Variants in FAM131A observed in about 807,000 individuals in gnomAD.
The protein encoded by FAM131A is family with sequence similarity 131 member A, also known as protein FAM131A.
In FAM131A, 24 loss-of-function variants were observed where a neutral mutation model predicts 39.2. The ratio of observed to expected loss-of-function variants is 0.61; its 90% CI spans 0.44 to 0.86. FAM131A has a LOEUF of 0.86. FAM131A is among the 40% of genes least tolerant of loss of function. The pLI, the probability that FAM131A is intolerant of heterozygous loss-of-function variation, is 0.00. For missense variants in FAM131A, 373 were observed against 481.2 expected (o/e 0.78, Z 2.10); for synonymous variants, 202 against 206.8 (o/e 0.98, Z 0.20).
Position 184,346,105 on chromosome 3 carries a change from T to G in FAM131A, c.*1135T>G. 1 of 185,382 alleles carries G rather than the reference T, an allele frequency of 5.4e-6. No individual in the cohort carries two copies. Among genetic ancestry groups the G allele is most frequent in the Non-Finnish European group, 1.1e-5 (1 of 87,510 alleles). 11.5% of individuals were successfully genotyped at this position (185,382 alleles called of 1,614,324 possible). On this transcript the variant is annotated 3_prime_UTR_variant, in exon 6 of 6. Transcript: ENST00000383847. This position sits in a 1 kb window ranked among gnomAD's most constrained non-coding sequence, Gnocchi z 6.0. ...TTTTTATGGTTGTGGGAAGGGTGGGTGGCTTTAGAATTAAGGGCCTTGTAG... is the reference window on the plus strand; with the variant it reads ...TTTTTATGGTTGTGGGAAGGGTGGGGGGCTTTAGAATTAAGGGCCTTGTAG...
At chr3:184,343,234 G>C (rs906980424) in intron 5 of FAM131A, 1 of 167,868 alleles carries the variant, frequency 6.0e-6, no homozygotes, top group Non-Finnish European at 1.3e-5. Context: ...GCAGCCTTCT[G>C]GCTGGCTGTG....
intron 2 of FAM131A, 161 bp from the exon 3 acceptor site, chr3:184,341,563 C>T (rs1727378866): frequency 3.1e-6 from 2 of 638,844 alleles, no homozygotes; most frequent in African/African-American, 1.8e-5. Flanking sequence ...TTCACCTGTC[C>T]TAGCTTCTTA....
Position 184,342,670 on chromosome 3 carries a change from C to T in FAM131A, c.509-74C>T. The T allele has an allele frequency of 7.4e-7, 1 of 1,352,318 alleles. No individual in the cohort carries two copies. Among genetic ancestry groups the T allele is most frequent in the Non-Finnish European group, 1.0e-6 (1 of 960,234 alleles). 83.8% of individuals were successfully genotyped at this position (1,352,318 alleles called of 1,614,324 possible). A position where few individuals can be genotyped will look rare whatever the true frequency, so the allele number is the denominator to read the frequency against. ...TGGAGTCTTCCCATACCCTGTTTCT[C>T]CTCTCTCCTGTCTTCAAGCTGAGCC... On this transcript the variant is annotated intron_variant, in intron 4 of 5. Coordinates refer to ENST00000383847, the MANE Select transcript of FAM131A (RefSeq NM_144635.5). This position sits in a 1 kb window ranked among gnomAD's most constrained non-coding sequence, Gnocchi z 4.6.
chr3:184,343,391 C>G (rs1727471512), intron 5 of FAM131A, among the ~76,000 whole-genome samples: 1 of 152,246 alleles, frequency 6.6e-6, no homozygotes, highest in Non-Finnish European at 1.5e-5. Context: ...GGGCCTTTCT[C>G]TGGGCCAGTG....
In FAM131A at chr3:184,345,611, C is replaced by T. The variant is rs1160652408; in HGVS notation, c.*641C>T. On this transcript the variant is annotated 3_prime_UTR_variant, in exon 6 of 6. Coordinates refer to ENST00000383847, the MANE Select transcript of FAM131A (RefSeq NM_144635.5). The stretch of plus-strand genomic sequence containing the variant: ...TGTTTTTTCAGTCGGATCTTCTCTT[C>T]TCTGGGAGGCTTTGGAATGATGAAA... 3 of 702,344 alleles carry T rather than the reference C, an allele frequency of 4.3e-6. No individual in the cohort carries two copies. In the East Asian group the frequency reaches 8.0e-5, roughly 19 times the overall value. 43.5% of individuals were successfully genotyped at this position (702,344 alleles called of 1,614,324 possible).
chr3:184,344,836 G>GC lies in FAM131A; in HGVS notation c.972dup (p.Cys325LeufsTer23), dbSNP rs757704272. 68 of 1,611,350 alleles carry GC rather than the reference G, an allele frequency of 4.2e-5. 1 individual carries two copies. In the Admixed American group the frequency reaches 1.1e-3, roughly 25 times the overall value. ...CCTTTCCCCCGCGGAGGAGGAGCCA[G>GC]CCCCCTGCAAGGACTGCCAGCCACT... On this transcript the variant is annotated frameshift_variant, in exon 6 of 6. Coordinates refer to ENST00000383847, the MANE Select transcript of FAM131A (RefSeq NM_144635.5). LOFTEE classifies it high-confidence loss of function.
chr3:184,341,237 GAA>G (rs1181430175), intron 2 of FAM131A: 1 of 196,616 alleles, frequency 5.1e-6, no homozygotes, highest in African/African-American at 2.4e-5. Flanking sequence ...TGATGCAAAG[GAA>G]AGAGGTCAGG....
At position 184,345,093 on chromosome 3, in the gene FAM131A, C is replaced by T; in HGVS notation, c.*123C>T. 1 of 923,980 alleles carries T rather than the reference C, an allele frequency of 1.1e-6. No homozygotes were observed. Among genetic ancestry groups the T allele is most frequent in the Non-Finnish European group, 1.6e-6 (1 of 635,952 alleles). 57.2% of individuals were successfully genotyped at this position (923,980 alleles called of 1,614,324 possible). ...ACAGCCTAGAGGGCTCCTGGGAGCG[C>T]TCGCTTCTCCGTTGTGTGTTTTGCA... On this transcript the variant is annotated 3_prime_UTR_variant, in exon 6 of 6. Transcript: ENST00000383847.
In FAM131A at chr3:184,345,910, G is replaced by A. The variant is rs571039551; in HGVS notation, c.*940G>A. The stretch of plus-strand genomic sequence containing the variant: ...TGAGAGGCAGGAATTGTGCCAGTGA[G>A]TGACAGTCATGAGGGAGTGTCTCTT... On this transcript the variant is annotated 3_prime_UTR_variant, in exon 6 of 6. Transcript: ENST00000383847. 520 of 385,218 alleles carry A rather than the reference G, an allele frequency of 1.3e-3. 4 individuals carry two copies. Among genetic ancestry groups the A allele is most frequent in the Non-Finnish European group, 4.6e-4 (100 of 215,830 alleles). 23.9% of individuals were successfully genotyped at this position (385,218 alleles called of 1,614,324 possible).
chr3:184,344,381 G>C, intron 5 of FAM131A, 114 bp from the exon 6 acceptor site: 1 of 996,602 alleles, frequency 1.0e-6, no homozygotes, highest in Non-Finnish European at 1.5e-6. Context: ...AGGTTACCCA[G>C]CACCTATCCA....
At chr3:184,341,115 A>AT in intron 2 of FAM131A, 1 of 156,704 alleles carries the variant, frequency 6.4e-6, no homozygotes, top group South Asian at 1.9e-4. Flanking sequence ...AGGAGCAGGG[A>AT]CTTTGCAGGT....
chr3:184,338,768 G>A (rs900203194), intron 2 of FAM131A: 1 of 498,450 alleles, frequency 2.0e-6, no homozygotes, highest in African/African-American at 2.1e-5. Flanking sequence ...CGTATCCCGG[G>A]AGACCCTGTT....
chr3:184,342,013 G>A lies in FAM131A; in HGVS notation c.326-53G>A. 1 of 1,608,740 alleles carries A rather than the reference G, an allele frequency of 6.2e-7. No individual in the cohort carries two copies. The highest frequency in any genetic ancestry group is 8.5e-7 in the Non-Finnish European group (1 of 1,175,128). ...GCCACCCTTCCACCTCCCTGCACCT[G>A]TGCTCCCTGGCCTGGTCCTTTACCA... On this transcript the variant is annotated intron_variant, in intron 3 of 5. Transcript: ENST00000383847. The surrounding 1 kb of genome is among the most constrained non-coding windows in gnomAD (Gnocchi z 4.6).
upstream of FAM131A, among the ~76,000 whole-genome samples, chr3:184,336,517 A>G (rs1727108975): frequency 6.6e-6 from 1 of 152,126 alleles, no homozygotes; most frequent in African/African-American, 2.4e-5. The surrounding 1 kb of genome is among the most constrained non-coding windows in gnomAD (Gnocchi z 5.5). Context: ...CTGCCTTCAC[A>G]GTCCTGGGAG....
chr3:184,338,036 G>C (rs55768817), intron 1 of FAM131A, among the ~76,000 whole-genome samples: 17 of 152,264 alleles, frequency 1.1e-4, no homozygotes, highest in African/African-American at 4.1e-4. Context: ...GCGGTGGTGG[G>C]GGGGACAGTG....
Position 184,338,443 on chromosome 3 carries a change from C to A in FAM131A, c.145C>A (p.Leu49Ile). 1 of 1,521,098 alleles carries A rather than the reference C, an allele frequency of 6.6e-7. No homozygotes were observed. Among genetic ancestry groups the A allele is most frequent in the Admixed American group, 2.1e-5 (1 of 47,706 alleles). The allele number at this position is 1,521,098 out of a possible 1,614,324, so 94.2% of individuals were successfully genotyped here. The change falls in exon 2 of 6, where the codon CTA (leucine) becomes ATA (isoleucine). Residue 49 changes from leucine to isoleucine, a missense_variant. Coordinates refer to ENST00000383847, the MANE Select transcript of FAM131A (RefSeq NM_144635.5). ...EWIELPRGLSLSSLGSARTLR... is the reference protein window; with the variant it reads ...EWIELPRGLSISSLGSARTLR... ...GATCGAACTTCCTCGGGGTCTCTCT[C>A]TATCCTCTTTGGGATCTGCTCGAAC... is the stretch of plus-strand genomic sequence containing the variant.
intron 1 of FAM131A, 52 bp downstream of exon 1, chr3:184,337,770 G>A (rs1727185405): frequency 3.3e-6 from 5 of 1,504,186 alleles, no homozygotes; most frequent in East Asian, 2.5e-5. Flanking sequence ...AAGCTGAGCA[G>A]TAGGGTGCTT....
chr3:184,341,727 A>G lies in FAM131A; in HGVS notation c.235A>G (p.Asn79Asp). ...CTTTCTAATGGTGTTACCCAAGGTGAATGTTGGAGACACAGTCGCGATGCT... is the reference window on the plus strand; with the variant it reads ...CTTTCTAATGGTGTTACCCAAGGTGGATGTTGGAGACACAGTCGCGATGCT... ...SVDSQDLPEV[N>D]VGDTVAMLPK... Residue 79 changes from asparagine (N) to aspartate (D), a missense_variant, in exon 3 of 6, where the codon AAT becomes GAT. Coordinates refer to ENST00000383847, the MANE Select transcript of FAM131A (RefSeq NM_144635.5). 2 of 1,606,894 alleles carry G rather than the reference A, an allele frequency of 1.2e-6. No individual in the cohort carries two copies. Among genetic ancestry groups the G allele is most frequent in the Non-Finnish European group, 1.7e-6 (2 of 1,179,910 alleles).
chr3:184,345,543 C>CT lies in FAM131A; in HGVS notation c.*574dup. The CT allele has an allele frequency of 1.4e-6, 1 of 703,220 alleles. No individual in the cohort carries two copies. Among genetic ancestry groups the CT allele is most frequent in the Non-Finnish European group, 2.6e-6 (1 of 385,052 alleles). The allele number at this position is 703,220 out of a possible 1,614,324, so 43.6% of individuals were successfully genotyped here. On this transcript the variant is annotated 3_prime_UTR_variant, in exon 6 of 6. Transcript: ENST00000383847. Reference sequence around the variant, plus strand: ...TGCTTCATTCACCTCTCCATCGTCTCTAAATCTTCCTCTTTTTTCCTAAAG... The same window carrying CT: ...TGCTTCATTCACCTCTCCATCGTCTCTTAAATCTTCCTCTTTTTTCCTAAAG...
Sources: allele counts gnomAD v4.1 joint callset (sites outside exome capture counted in the v4.1 genomes callset), GRCh38; gene constraint gnomAD v4.1.1; non-coding constraint Gnocchi (gnomAD v3.1); transcripts MANE v1.5; gene names NCBI Gene and HGNC (gene_info 2026-07-23, HGNC 2026-07-21).